The following CERS3 variants were observed in gnomAD, a reference collection of about 807,000 sequenced individuals.
The protein encoded by CERS3 is LAG1 homolog, ceramide synthase 3.
Under a neutral mutation model 50.3 loss-of-function variants are expected in CERS3, and 33 were observed. The ratio of observed to expected loss-of-function variants is 0.66; its 90% confidence interval spans 0.50 to 0.88. The LOEUF (loss-of-function observed/expected upper bound fraction) is 0.88. Among genes scored for constraint, CERS3 ranks in the 40% least tolerant of loss-of-function variants. The pLI is 0.00. For missense variants in CERS3, 470 were observed against 460.3 expected (o/e 1.02, Z -0.19); for synonymous variants, 176 against 155.2 (o/e 1.13, Z -0.99).
chr15:100,474,992 G>A (rs774747687), intron 8 of CERS3, among the ~76,000 whole-genome samples: 8 of 152,176 alleles, frequency 5.3e-5, no homozygotes, highest in South Asian at 4.2e-4. Context: ...CAATGCACCC[G>A]TAAATGATAA....
rs374417782 is a variant in CERS3, at chr15:100,501,765, C to T, written c.85G>A (p.Asp29Asn). ...GAAGGTTTTACAAAGACGAGTCCAT[C>T]GTGATCCTCAAGATCTGACCACTTT... Reference protein sequence around the residue: ...TIKWSDLEDHDGLVFVKPSHL... With the variant: ...TIKWSDLEDHNGLVFVKPSHL... The change falls in exon 3 of 12, where the codon GAT becomes AAT. Residue 29 changes from aspartate (D) to asparagine (N), a missense_variant. By Grantham distance (23) the Asp-to-Asn change is conservative. Coordinates refer to ENST00000679737, the MANE Select transcript of CERS3 (RefSeq NM_001378789.1). The T allele has an allele frequency of 8.7e-6, 14 of 1,613,902 alleles. No individual in the cohort carries two copies. In the African/African-American group the frequency reaches 9.3e-5, roughly 11 times the overall value.
At chr15:100,480,314 T>C (rs1292806160) in intron 5 of CERS3, among the ~76,000 whole-genome samples, 1 of 152,138 alleles carries the variant, frequency 6.6e-6, no homozygotes, top group Admixed American at 6.5e-5. Context: ...TGATAACAGG[T>C]CTAGCATAAA....
intron 11 of CERS3, among the ~76,000 whole-genome samples, chr15:100,427,776 T>A (rs7171519): frequency 8.5e-5 from 13 of 152,092 alleles, no homozygotes; most frequent in African/African-American, 2.7e-4. Context: ...CTCATAAATA[T>A]GATGGCTTGA....
chr15:100,409,562 GGGGGAACAAGGCA>G (rs2031315068), intron 11 of CERS3, among the ~76,000 whole-genome samples: 1 of 152,172 alleles, frequency 6.6e-6, no homozygotes, highest in East Asian at 1.9e-4. Flanking sequence ...GTATGCTCTA[GGGGGAACAAGGCA>G]TCTACGTACT....
intron 2 of CERS3, among the ~76,000 whole-genome samples, chr15:100,517,059 C>T (rs1231393101): frequency 1.3e-5 from 2 of 152,200 alleles, no homozygotes; most frequent in African/African-American, 2.4e-5. Context: ...AGCCTGAAAG[C>T]TTAGAACTGT....
chr15:100,512,266 C>A (rs967134912), intron 2 of CERS3, among the ~76,000 whole-genome samples: 16 of 152,192 alleles, frequency 1.1e-4, no homozygotes, highest in African/African-American at 3.9e-4. Context: ...TTTCCCTTTG[C>A]CAGCTGGTCA....
At chr15:100,446,839 A>C (rs1390838541) in intron 11 of CERS3, among the ~76,000 whole-genome samples, 1 of 152,118 alleles carries the variant, frequency 6.6e-6, no homozygotes, top group African/African-American at 2.4e-5. Context: ...AGAGTCAGAC[A>C]CACCTCATTA....
intron 3 of CERS3, among the ~76,000 whole-genome samples, chr15:100,492,021 T>C (rs1322662294): frequency 1.3e-5 from 2 of 152,118 alleles, no homozygotes; most frequent in Admixed American, 1.3e-4. Context: ...CCACTGTGCC[T>C]GGCTGTTATT....
chr15:100,478,271 AG>A (rs1287651668), intron 7 of CERS3, among the ~76,000 whole-genome samples: 5 of 152,246 alleles, frequency 3.3e-5, no homozygotes, highest in African/African-American at 1.2e-4. Context: ...ACATGGCTTA[AG>A]AAAAGTACCA....
chr15:100,419,709 G>C (rs1322198542), intron 11 of CERS3, among the ~76,000 whole-genome samples: 1 of 151,806 alleles, frequency 6.6e-6, no homozygotes, highest in African/African-American at 2.4e-5. Context: ...AAATGTAAAA[G>C]AATAGAAATT....
intron 4 of CERS3, among the ~76,000 whole-genome samples, chr15:100,487,676 C>G (rs2035528840): frequency 1.3e-5 from 2 of 152,308 alleles, no homozygotes; most frequent in Non-Finnish European, 1.5e-5. Flanking sequence ...GACCTGGCCT[C>G]TGGACTGAAA....
chr15:100,484,447 G>T (rs2035425835), intron 5 of CERS3, 103 bp downstream of exon 5: 2 of 797,610 alleles, frequency 2.5e-6, no homozygotes, highest in East Asian at 5.0e-5. Context: ...ACAGAGCTGG[G>T]TCTGAACCCT....
chr15:100,512,525 ACCATAAAGACT>A (rs1043815028), intron 2 of CERS3, among the ~76,000 whole-genome samples: 3 of 152,276 alleles, frequency 2.0e-5, no homozygotes, highest in African/African-American at 7.2e-5. Context: ...TTCCGCTGGT[ACCATAAAGACT>A]CCTTTCAAGA....
At chr15:100,467,391 G>T (rs1297514728) in intron 10 of CERS3, among the ~76,000 whole-genome samples, 1 of 152,116 alleles carries the variant, frequency 6.6e-6, no homozygotes, top group African/African-American at 2.4e-5. Flanking sequence ...CAACCTGGGT[G>T]TATGTTTTCG....
chr15:100,538,796 A>G (rs1349778913), intron 1 of CERS3, among the ~76,000 whole-genome samples: 1 of 152,250 alleles, frequency 6.6e-6, no homozygotes, highest in Non-Finnish European at 1.5e-5. Flanking sequence ...AAATTTCTGC[A>G]GCCAGCTTGA....
chr15:100,440,301 C>A (rs533930591), intron 11 of CERS3, among the ~76,000 whole-genome samples: 1 of 152,214 alleles, frequency 6.6e-6, no homozygotes, highest in African/African-American at 2.4e-5. Context: ...TCCCCTGTGA[C>A]CTGCACATAC....
intron 1 of CERS3, among the ~76,000 whole-genome samples, chr15:100,523,833 T>A (rs2036709677): frequency 6.6e-6 from 1 of 152,152 alleles, no homozygotes; most frequent in African/African-American, 2.4e-5. Context: ...TTTTCTAGTA[T>A]TTCAGGTACT....
intron 3 of CERS3, among the ~76,000 whole-genome samples, chr15:100,499,446 T>A (rs566763601): frequency 6.6e-6 from 1 of 152,110 alleles, no homozygotes; most frequent in Admixed American, 6.5e-5. Context: ...ACAAAGTAAA[T>A]GTCAGTTACT....
intron 1 of CERS3, among the ~76,000 whole-genome samples, chr15:100,527,698 C>T (rs2036834941): frequency 6.6e-6 from 1 of 152,184 alleles, no homozygotes; most frequent in South Asian, 2.1e-4. Context: ...ATCATGAGCC[C>T]TAAAGGGGAA....
Sources: gnomAD v4.1 joint callset for allele counts (sites outside exome capture counted in the v4.1 genomes callset) on GRCh38, gnomAD v4.1.1 for gene constraint, MANE v1.5 for transcripts, NCBI Gene and HGNC (gene_info 2026-07-23, HGNC 2026-07-21) for gene names.